The following CIMIP6 variants were observed in gnomAD, a reference collection of about 807,000 sequenced individuals.
CIMIP6 encodes uncharacterized protein C2orf73.
the CIMIP6 span, among the ~76,000 whole-genome samples, chr2:54,337,386 G>A: frequency 3.3e-5 from 5 of 152,052 alleles, no homozygotes; most frequent in Non-Finnish European, 5.9e-5. Flanking sequence ...TTATGCTCTC[G>A]TACCAATTAT....
the CIMIP6 span, among the ~76,000 whole-genome samples, chr2:54,364,095 T>A: frequency 6.6e-6 from 1 of 152,214 alleles, no homozygotes; most frequent in African/African-American, 2.4e-5. Flanking sequence ...GTGTGGGAAA[T>A]CTGTAATAAA....
the CIMIP6 span, among the ~76,000 whole-genome samples, chr2:54,375,438 G>A: frequency 6.6e-6 from 1 of 152,078 alleles, no homozygotes; most frequent in Non-Finnish European, 1.5e-5. Flanking sequence ...CCCTATAGTT[G>A]GGTAAAAACT....
At chr2:54,338,214 A>G in the CIMIP6 span, among the ~76,000 whole-genome samples, 3 of 152,116 alleles carry the variant, frequency 2.0e-5, no homozygotes, top group African/African-American at 2.4e-5. Flanking sequence ...CAGGAGGGTA[A>G]CTTGAGCCCA....
At chr2:54,338,127 A>T in the CIMIP6 span, among the ~76,000 whole-genome samples, 4 of 152,042 alleles carry the variant, frequency 2.6e-5, no homozygotes, top group Non-Finnish European at 4.4e-5. Context: ...ACAGAGTGAG[A>T]CCCTGCTCAA....
At chr2:54,366,879 G>A in the CIMIP6 span, among the ~76,000 whole-genome samples, 1 of 151,988 alleles carries the variant, frequency 6.6e-6, no homozygotes, top group African/African-American at 2.4e-5. Context: ...ACTGTACAAG[G>A]TACTATTCTC....
At chr2:54,331,307 T>G in the CIMIP6 span, among the ~76,000 whole-genome samples, 1 of 152,176 alleles carries the variant, frequency 6.6e-6, no homozygotes, top group Non-Finnish European at 1.5e-5. Context: ...AATCTACCAC[T>G]GCTCATCACT....
chr2:54,357,737 C>T, the CIMIP6 span, among the ~76,000 whole-genome samples: 2 of 131,494 alleles, frequency 1.5e-5, no homozygotes, highest in Non-Finnish European at 3.3e-5. Context: ...CCACCACGCC[C>T]AGCTAATTTT....
chr2:54,344,793 C>G, the CIMIP6 span, among the ~76,000 whole-genome samples: 1 of 151,914 alleles, frequency 6.6e-6, no homozygotes, highest in Admixed American at 6.6e-5. Context: ...AATAAAGTCA[C>G]GGAAGTATCA....
chr2:54,359,228 G>A, the CIMIP6 span, among the ~76,000 whole-genome samples: 2 of 152,136 alleles, frequency 1.3e-5, no homozygotes, highest in Non-Finnish European at 2.9e-5. Flanking sequence ...ATAGTAAAAT[G>A]TAAGGAATAA....
chr2:54,336,956 A>C, the CIMIP6 span, among the ~76,000 whole-genome samples: 1 of 152,334 alleles, frequency 6.6e-6, no homozygotes, highest in East Asian at 1.9e-4. Flanking sequence ...TGAGAGCAGG[A>C]TTCTATGAGA....
the CIMIP6 span, chr2:54,331,103 A>G: frequency 1.7e-5 from 19 of 1,138,814 alleles, no homozygotes; most frequent in Non-Finnish European, 2.3e-5. Context: ...CCAAGCTCAG[A>G]CAGCCCCCTT....
chr2:54,357,733 C>T, the CIMIP6 span, among the ~76,000 whole-genome samples: 7,461 of 142,104 alleles, frequency 0.053, 562 homozygotes, highest in African/African-American at 0.18. Flanking sequence ...TTCACCACCA[C>T]GCCCAGCTAA....
the CIMIP6 span, among the ~76,000 whole-genome samples, chr2:54,351,234 A>C: frequency 6.6e-6 from 1 of 152,196 alleles, no homozygotes. Context: ...TGTTGATTTA[A>C]TTATGTTCTG....
the CIMIP6 span, among the ~76,000 whole-genome samples, chr2:54,345,187 C>A: frequency 6.6e-6 from 1 of 152,174 alleles, no homozygotes; most frequent in South Asian, 2.1e-4. Flanking sequence ...TTATTTAATA[C>A]AAGTTTTACA....
At chr2:54,382,020 A>C in the CIMIP6 span, 1 of 1,505,554 alleles carries the variant, frequency 6.6e-7, no homozygotes, top group Non-Finnish European at 8.9e-7. Context: ...ATAATGAGGA[A>C]GCTAAGGCCC....
the CIMIP6 span, chr2:54,382,082 T>C: frequency 3.7e-6 from 5 of 1,360,284 alleles, no homozygotes; most frequent in Non-Finnish European, 4.8e-6. Context: ...CTTAATAAAG[T>C]CAGTCTGATT....
the CIMIP6 span, chr2:54,359,112 A>C: frequency 8.7e-7 from 1 of 1,150,682 alleles, no homozygotes; most frequent in Admixed American, 2.7e-5. Flanking sequence ...ACTTTAAGAC[A>C]GAGTAGATTT....
chr2:54,340,743 G>T, the CIMIP6 span, among the ~76,000 whole-genome samples: 1 of 152,138 alleles, frequency 6.6e-6, no homozygotes, highest in Non-Finnish European at 1.5e-5. Flanking sequence ...CAGTTTAAAA[G>T]AAATTTGCTC....
chr2:54,352,267 G>GT, the CIMIP6 span, among the ~76,000 whole-genome samples: 85 of 151,618 alleles, frequency 5.6e-4, no homozygotes, highest in African/African-American at 1.9e-3. Flanking sequence ...CAGAAAATTG[G>GT]TTTTGAGTAT....
Sources: allele counts gnomAD v4.1 joint callset (sites outside exome capture counted in the v4.1 genomes callset), GRCh38; gene constraint gnomAD v4.1.1; transcripts MANE v1.5; gene names NCBI Gene and HGNC (gene_info 2026-07-23, HGNC 2026-07-21).